DLG1: variants seen among roughly 807,000 people sequenced by gnomAD.
DLG1 encodes the protein disks large homolog 1.
In DLG1, 42 loss-of-function variants were observed where a neutral mutation model predicts 123.4. The ratio of observed to expected loss-of-function variants is 0.34; its 90% CI spans 0.27 to 0.44. The LOEUF (loss-of-function observed/expected upper bound fraction) is 0.44. Ranked by LOEUF, DLG1 falls within the 20% of genes least tolerant of loss-of-function variation. The pLI is 1.00. For missense variants in DLG1, 942 were observed against 1,082.6 expected (o/e 0.87, Z 1.82); for synonymous variants, 317 against 356.2 (o/e 0.89, Z 1.24).
At chr3:197,106,854 T>C (rs1395953590) in intron 13 of DLG1, among the ~76,000 whole-genome samples, 2 of 152,168 alleles carry the variant, frequency 1.3e-5, no homozygotes, top group Admixed American at 6.5e-5. Context: ...TACACCGACA[T>C]TTTTAAAAAT....
chr3:197,130,191 C>T (rs139200701), intron 11 of DLG1, among the ~76,000 whole-genome samples: 91 of 152,196 alleles, frequency 6.0e-4, no homozygotes, highest in African/African-American at 2.2e-3. Context: ...ACGGCTTGTT[C>T]AAGCAAATTT....
intron 23 of DLG1, 30 bp from the exon 24 acceptor site, chr3:197,051,698 TACCA>T: frequency 1.3e-6 from 2 of 1,514,008 alleles, no homozygotes; most frequent in Non-Finnish European, 1.8e-6. Context: ...AATTGATAAT[TACCA>T]AATTATAATA....
At chr3:197,289,609 AG>A (rs1773832180) in intron 3 of DLG1, among the ~76,000 whole-genome samples, 1 of 152,234 alleles carries the variant, frequency 6.6e-6, no homozygotes, top group African/African-American at 2.4e-5. Flanking sequence ...ATTTACTAAA[AG>A]CAAGTATGAT....
Position 197,046,805 on chromosome 3 carries a change from G to A in DLG1, c.2576-2076C>T, listed in dbSNP as rs188685113. On this transcript the variant is annotated intron_variant, in intron 24 of 24. Transcript: ENST00000667157. ...GGATCACTTGAGCCTGGGAGGTGGA[G>A]GTTCCAGTGAACTGAGATCGCACCA... 2.4e-4 allele frequency among the ~76,000 whole-genome samples: 36 copies of A among 152,248 alleles called. No homozygotes were observed. In the East Asian group the frequency reaches 6.6e-3, roughly 28 times the overall value.
intron 4 of DLG1, among the ~76,000 whole-genome samples, chr3:197,236,411 G>C (rs903328019): frequency 2.6e-5 from 4 of 152,008 alleles, no homozygotes; most frequent in African/African-American, 9.7e-5. Context: ...AAATGTTAAA[G>C]AAGTTCTTCA....
intron 4 of DLG1, among the ~76,000 whole-genome samples, chr3:197,242,614 T>A (rs1436726708): frequency 6.7e-6 from 1 of 150,268 alleles, no homozygotes; most frequent in Non-Finnish European, 1.5e-5. Flanking sequence ...AGAATAAAAA[T>A]ACATATCAAT....
chr3:197,155,212 T>C (rs922209052), intron 5 of DLG1, among the ~76,000 whole-genome samples: 3 of 152,112 alleles, frequency 2.0e-5, no homozygotes, highest in African/African-American at 7.2e-5. Context: ...AAATCCTCAA[T>C]GAGATTATCA....
chr3:197,146,533 A>G (rs1036123611), intron 6 of DLG1, among the ~76,000 whole-genome samples: 2 of 152,234 alleles, frequency 1.3e-5, no homozygotes, highest in Non-Finnish European at 2.9e-5. Context: ...AAAGCAAACA[A>G]AAACATAAAG....
intron 5 of DLG1, chr3:197,183,876 C>A: frequency 1.3e-6 from 2 of 1,498,204 alleles, no homozygotes; most frequent in South Asian, 2.6e-5. Context: ...GGTGAATGAT[C>A]GGTAAAAACT....
intron 15 of DLG1, among the ~76,000 whole-genome samples, chr3:197,086,029 T>C (rs750006337): frequency 6.6e-6 from 1 of 152,044 alleles, no homozygotes; most frequent in Non-Finnish European, 1.5e-5. Flanking sequence ...TGGTAAGTTA[T>C]ATTGAATTCT....
At chr3:197,298,670 C>A, upstream of DLG1, 1 of 145,312 alleles carries the variant, frequency 6.9e-6, no homozygotes, top group Non-Finnish European at 1.5e-5. Context: ...TCCCAGGGGG[C>A]GGGGAGGGCG....
chr3:197,057,552 C>G (rs1189892749), intron 23 of DLG1, among the ~76,000 whole-genome samples: 1 of 152,092 alleles, frequency 6.6e-6, no homozygotes, highest in East Asian at 1.9e-4. Flanking sequence ...AATGAAGATG[C>G]ACCAATCTGC....
At chr3:197,135,133 C>G (rs753707509) in intron 10 of DLG1, among the ~76,000 whole-genome samples, 6 of 152,228 alleles carry the variant, frequency 3.9e-5, no homozygotes, top group Non-Finnish European at 8.8e-5. Context: ...TTTACTCACT[C>G]TAGCCTTCTT....
intron 3 of DLG1, among the ~76,000 whole-genome samples, chr3:197,289,433 CTTATGGT>C (rs1393910476): frequency 6.6e-6 from 1 of 151,996 alleles, no homozygotes; most frequent in East Asian, 1.9e-4. Context: ...TGAATATTTT[CTTATGGT>C]ATTTTACATA....
At chr3:197,225,832 T>C (rs1286035517) in intron 4 of DLG1, 1 of 152,662 alleles carries the variant, frequency 6.6e-6, no homozygotes, top group Non-Finnish European at 1.5e-5. Flanking sequence ...ACCAAGCTTT[T>C]TAAGGAAGTA....
At position 197,057,707 on chromosome 3, in the gene DLG1, T is replaced by C. The variant is rs530248709; in HGVS notation, c.2483+2182A>G. 5.0e-4 allele frequency among the ~76,000 whole-genome samples: 76 copies of C among 152,332 alleles called. 1 individual carries two copies. The South Asian group carries it at 0.015, about 29-fold the overall frequency. On this transcript the variant is annotated intron_variant, in intron 23 of 24. Transcript: ENST00000667157. The stretch of plus-strand genomic sequence containing the variant: ...ATTCTTTGGAGATTCTCTTTTGTGA[T>C]GTGTCCAAGCCCTTTGTCCCTTTTC...
intron 5 of DLG1, among the ~76,000 whole-genome samples, chr3:197,154,654 G>A (rs1370133398): frequency 4.6e-5 from 7 of 151,822 alleles, no homozygotes; most frequent in African/African-American, 1.7e-4. Context: ...CAGCCTGGGT[G>A]ACAGAGCCAG....
intron 13 of DLG1, among the ~76,000 whole-genome samples, chr3:197,108,725 C>T (rs959642954): frequency 1.1e-4 from 16 of 152,148 alleles, no homozygotes; most frequent in Non-Finnish European, 2.2e-4. Context: ...ATCTTTTCCA[C>T]CCGTTTACTT....
At chr3:197,052,822 G>T (rs1425584605) in intron 23 of DLG1, among the ~76,000 whole-genome samples, 1 of 152,176 alleles carries the variant, frequency 6.6e-6, no homozygotes, top group Non-Finnish European at 1.5e-5. Flanking sequence ...AAAGAGAGAT[G>T]TGGAGAGAGA....
Sources: gnomAD v4.1 joint callset for allele counts (sites outside exome capture counted in the v4.1 genomes callset) on GRCh38, gnomAD v4.1.1 for gene constraint, MANE v1.5 for transcripts, NCBI Gene and HGNC (gene_info 2026-07-23, HGNC 2026-07-21) for gene names.